UBE2L3: variants seen among roughly 807,000 people sequenced by gnomAD.
UBE2L3 encodes ubiquitin-conjugating enzyme E2 L3.
UBE2L3 carries 1 observed loss-of-function variant against 17.8 expected under a neutral mutation model. The ratio of observed to expected loss-of-function variants is 0.06; its 90% CI spans 0.02 to 0.27. UBE2L3 has a LOEUF of 0.27. UBE2L3 is among the 10% of genes least tolerant of loss of function. The pLI is 1.00. For synonymous variants in UBE2L3, 44 were observed against 68.5 expected (o/e 0.64, Z 1.76); for missense variants, 40 against 192.6 (o/e 0.21, Z 4.69).
At chr22:21,598,267 T>C (rs1928663533) in intron 2 of UBE2L3, among the ~76,000 whole-genome samples, 1 of 151,870 alleles carries the variant, frequency 6.6e-6, no homozygotes, top group Admixed American at 6.6e-5. Context: ...TATTACTTTC[T>C]TTGTTCCTTA....
Position 21,593,090 on chromosome 22 carries a change from CTAGGGTGA to C in UBE2L3, c.123+137_123+144del, listed in dbSNP as rs1928344582. 6 of 723,936 alleles carry C rather than the reference CTAGGGTGA, an allele frequency of 8.3e-6. No homozygotes were observed. In the Middle Eastern group the frequency reaches 1.4e-3, roughly 173 times the overall value. The allele number at this position is 723,936 out of a possible 1,614,324, so 44.8% of individuals were successfully genotyped here. ...CAGATGCACAGAAGTGGCTGTCGCT[CTAGGGTGA>C]TAAGGTAGGGAGTGTAGCCTTGGGT... On this transcript the variant is annotated intron_variant, in intron 2 of 3. Coordinates refer to ENST00000342192, the MANE Select transcript of UBE2L3 (RefSeq NM_003347.4).
chr22:21,575,209 A>G (rs1568972140), intron 1 of UBE2L3, among the ~76,000 whole-genome samples: 4 of 149,114 alleles, frequency 2.7e-5, no homozygotes. Context: ...CAGTGAGCCA[A>G]GATCATGCCA....
intron 1 of UBE2L3, among the ~76,000 whole-genome samples, chr22:21,579,016 G>A (rs1389985399): frequency 6.6e-6 from 1 of 151,234 alleles, no homozygotes; most frequent in Non-Finnish European, 1.5e-5. Context: ...TTGAGATGGA[G>A]TTTCACTCTT....
rs1039993151 is a variant in UBE2L3 at position 21,605,438 on chromosome 22, C to T, written c.124-5419C>T. ...TTCACCGTGTTAGCCAGGATGGTCTCGATCTCCTGATCTCGTGATCCACCT... is the reference window on the plus strand; with the variant it reads ...TTCACCGTGTTAGCCAGGATGGTCTTGATCTCCTGATCTCGTGATCCACCT... On this transcript the variant is annotated intron_variant, in intron 2 of 3. Coordinates refer to ENST00000342192, the MANE Select transcript of UBE2L3 (RefSeq NM_003347.4). Among the ~76,000 whole-genome samples, 22 of 152,048 alleles carry T rather than the reference C, an allele frequency of 1.4e-4. No individual in the cohort carries two copies. In the South Asian group the frequency reaches 1.7e-3, roughly 11 times the overall value.
At chr22:21,585,519 C>T (rs1010203605) in intron 1 of UBE2L3, among the ~76,000 whole-genome samples, 2 of 152,196 alleles carry the variant, frequency 1.3e-5, no homozygotes, top group African/African-American at 4.8e-5. Flanking sequence ...AGTTCTAAAG[C>T]CATTCGATTC....
chr22:21,567,454 C>T, upstream of UBE2L3: 1 of 470,102 alleles, frequency 2.1e-6, no homozygotes, highest in Non-Finnish European at 3.5e-6. Flanking sequence ...TGAGCCCCCG[C>T]GCCTGGTCAA....
chr22:21,607,929 A>G (rs1220067212), intron 2 of UBE2L3, among the ~76,000 whole-genome samples: 1 of 152,212 alleles, frequency 6.6e-6, no homozygotes, highest in African/African-American at 2.4e-5. Flanking sequence ...TTGGACTTCT[A>G]GTACTCACAG....
intron 1 of UBE2L3, among the ~76,000 whole-genome samples, chr22:21,581,591 C>T (rs752124506): frequency 2.0e-5 from 3 of 152,068 alleles, no homozygotes; most frequent in African/African-American, 4.8e-5. Flanking sequence ...CACCTGAGGT[C>T]GGGAGTTCGA....
upstream of UBE2L3, among the ~76,000 whole-genome samples, chr22:21,564,079 A>G (rs1926550444): frequency 6.8e-6 from 1 of 146,728 alleles, no homozygotes; most frequent in Non-Finnish European, 1.5e-5. Flanking sequence ...TCTTTCACAC[A>G]GGCTTGAGTG....
intron 3 of UBE2L3, among the ~76,000 whole-genome samples, chr22:21,612,821 G>T (rs56291768): frequency 6.6e-6 from 1 of 151,446 alleles, no homozygotes; most frequent in Non-Finnish European, 1.5e-5. Flanking sequence ...ATTTGTAGTA[G>T]AGACGGGGTT....
At chr22:21,607,036 T>C (rs533082065) in intron 2 of UBE2L3, among the ~76,000 whole-genome samples, 2 of 152,308 alleles carry the variant, frequency 1.3e-5, no homozygotes, top group East Asian at 3.9e-4. Flanking sequence ...TATGTCATCT[T>C]ATCCATCCTT....
intron 1 of UBE2L3, among the ~76,000 whole-genome samples, chr22:21,581,996 T>G (rs1927664948): frequency 6.6e-6 from 1 of 150,668 alleles, no homozygotes. Context: ...GGCACCTGCC[T>G]GTAGTCCCAG....
At chr22:21,591,218 T>C (rs1173433937) in intron 1 of UBE2L3, among the ~76,000 whole-genome samples, 1 of 152,190 alleles carries the variant, frequency 6.6e-6, no homozygotes, top group East Asian at 1.9e-4. Flanking sequence ...TTGCAGCCCA[T>C]GCCGCTAACG....
intron 2 of UBE2L3, among the ~76,000 whole-genome samples, chr22:21,602,025 G>A (rs1002034694): frequency 2.6e-5 from 4 of 151,410 alleles, no homozygotes; most frequent in African/African-American, 4.9e-5. Context: ...GGCAAGCCGC[G>A]TCCCCTTGTT....
At chr22:21,561,888 T>C (rs946302111) in intron 1 of UBE2L3, among the ~76,000 whole-genome samples, 1 of 152,174 alleles carries the variant, frequency 6.6e-6, no homozygotes, top group Non-Finnish European at 1.5e-5. Context: ...GATGGGCCAC[T>C]TCTCCCAGGG....
chr22:21,555,220 G>C (rs1276212997), intron 1 of UBE2L3: 2 of 150,974 alleles, frequency 1.3e-5, no homozygotes, highest in African/African-American at 2.5e-5. Flanking sequence ...GGATTGTAAT[G>C]TACTATACTG....
chr22:21,605,566 C>T (rs1466897150), intron 2 of UBE2L3, among the ~76,000 whole-genome samples: 1 of 151,952 alleles, frequency 6.6e-6, no homozygotes, highest in Non-Finnish European at 1.5e-5. Flanking sequence ...AGTGCAATGG[C>T]ACAATCTCAG....
intron 1 of UBE2L3, among the ~76,000 whole-genome samples, chr22:21,562,594 A>C (rs966423718): frequency 2.0e-5 from 3 of 149,262 alleles, no homozygotes; most frequent in African/African-American, 7.4e-5. Flanking sequence ...GATGGTCTCG[A>C]TCTCCTGACC....
upstream of UBE2L3, among the ~76,000 whole-genome samples, chr22:21,562,946 T>C (rs1926496820): frequency 7.5e-6 from 1 of 132,782 alleles, no homozygotes; most frequent in African/African-American, 3.1e-5. Flanking sequence ...AAGCCACTTC[T>C]TTTCAAAAAA....
Sources: allele counts gnomAD v4.1 joint callset (sites outside exome capture counted in the v4.1 genomes callset), GRCh38; gene constraint gnomAD v4.1.1; transcripts MANE v1.5; gene names NCBI Gene and HGNC (gene_info 2026-07-23, HGNC 2026-07-21).